NRG3: variants seen among roughly 807,000 people sequenced by gnomAD.
NRG3 encodes neuregulin 3.
In NRG3, 31 loss-of-function variants were observed where a neutral mutation model predicts 66.9. The observed-to-expected ratio is 0.46, with a 90% CI of 0.35 to 0.63. The LOEUF (loss-of-function observed/expected upper bound fraction) is 0.63, where lower values mean the gene tolerates loss of function less well. Among genes scored for constraint, NRG3 ranks in the 20% least tolerant of loss-of-function variants. The pLI, the probability that NRG3 is intolerant of heterozygous loss-of-function variation, is 0.00. For synonymous variants in NRG3, 393 were observed against 359.4 expected, an observed-to-expected ratio of 1.09 and a Z score of -1.06; for missense variants, 910 against 878.9, an observed-to-expected ratio of 1.04 and a Z score of -0.45.
intron 1 of NRG3, among the ~76,000 whole-genome samples, chr10:81,981,711 G>T (rs2133470338): frequency 6.6e-6 from 1 of 152,186 alleles, no homozygotes; most frequent in African/African-American, 2.4e-5. Context: ...ATAGCTTCTG[G>T]GGTCATTCTT....
At chr10:82,297,923 C>T (rs2080167701) in intron 1 of NRG3, among the ~76,000 whole-genome samples, 1 of 152,026 alleles carries the variant, frequency 6.6e-6, no homozygotes, top group African/African-American at 2.4e-5. Flanking sequence ...AGGCGAATTG[C>T]TTGAGCTCAG....
intron 1 of NRG3, among the ~76,000 whole-genome samples, chr10:82,305,371 C>A (rs2080665953): frequency 6.6e-6 from 1 of 152,076 alleles, no homozygotes. Context: ...TTGCAATTCA[C>A]TGGCTTATAT....
At chr10:82,094,218 T>C (rs2066202891) in intron 1 of NRG3, among the ~76,000 whole-genome samples, 1 of 152,220 alleles carries the variant, frequency 6.6e-6, no homozygotes, top group Admixed American at 6.5e-5. Flanking sequence ...TTATGAGATT[T>C]GTATGTTTGT....
rs183407020 is a variant in NRG3, at chr10:82,510,811, C to T, written c.953+151943C>T. On this transcript the variant is annotated intron_variant, in intron 2 of 8. Transcript: ENST00000372141. ...GGGCAAGGAAATCCAGGCAATGCAT[C>T]CCATTGAGATCGGCTCCTTGGGTAC... is the stretch of plus-strand genomic sequence containing the variant. Among the ~76,000 whole-genome samples the T allele has an allele frequency of 3.3e-5, 5 of 152,220 alleles. No individual in the cohort carries two copies. In the East Asian group the frequency reaches 9.7e-4, roughly 29 times the overall value.
chr10:82,504,155 A>G (rs1844456850), intron 2 of NRG3, among the ~76,000 whole-genome samples: 1 of 152,148 alleles, frequency 6.6e-6, no homozygotes, highest in African/African-American at 2.4e-5. Context: ...CACCTTGCAG[A>G]AGGGACGGGT....
intron 2 of NRG3, among the ~76,000 whole-genome samples, chr10:82,451,434 G>C (rs1240917363): frequency 6.6e-6 from 1 of 152,050 alleles, no homozygotes; most frequent in Non-Finnish European, 1.5e-5. Context: ...ATGATGAATA[G>C]GGAGAATTCA....
chr10:82,857,245 C>T lies in NRG3; in HGVS notation c.1028-8166C>T, dbSNP rs2063858766. 3.3e-5 allele frequency among the ~76,000 whole-genome samples: 5 copies of T among 152,278 alleles called. No individual in the cohort carries two copies. In the South Asian group the frequency reaches 1.0e-3, roughly 32 times the overall value. ...TCCATGGCTGCCTGCTTCTCCCCAT[C>T]CTTTGATACAAATCAACATTCTTGT... On this transcript the variant is annotated intron_variant, in intron 3 of 8. Coordinates refer to ENST00000372141, the MANE Select transcript of NRG3 (RefSeq NM_001010848.4).
At chr10:81,892,485 G>C (rs909361144) in intron 1 of NRG3, among the ~76,000 whole-genome samples, 3 of 152,030 alleles carry the variant, frequency 2.0e-5, no homozygotes, top group Non-Finnish European at 4.4e-5. Context: ...GTTACAAGAA[G>C]AACAGAGGGC....
chr10:82,133,386 T>C (rs1190634540), intron 1 of NRG3, among the ~76,000 whole-genome samples: 1 of 152,216 alleles, frequency 6.6e-6, no homozygotes, highest in Non-Finnish European at 1.5e-5. Flanking sequence ...CCAATAGTTA[T>C]ATTTTCTGTT....
At chr10:82,934,617 A>G (rs891861766) in intron 4 of NRG3, among the ~76,000 whole-genome samples, 7 of 152,306 alleles carry the variant, frequency 4.6e-5, no homozygotes, top group Non-Finnish European at 1.0e-4. Context: ...TGGTGTCACT[A>G]CAGAGTAGGA....
intron 2 of NRG3, among the ~76,000 whole-genome samples, chr10:82,379,856 T>TA (rs1375689964): frequency 9.0e-4 from 26 of 28,850 alleles, no homozygotes; most frequent in Middle Eastern, 0.022. Context: ...TTGTAGGGCA[T>TA]AAAAAAAAAG....
chr10:81,978,956 C>T lies in NRG3; in HGVS notation c.823+102793C>T, dbSNP rs373328462. 2.4e-4 allele frequency among the ~76,000 whole-genome samples: 36 copies of T among 152,046 alleles called. 2 individuals are homozygous for T. The highest frequency in any genetic ancestry group is 6.7e-4 in the African/African-American group (28 of 41,500). On this transcript the variant is annotated intron_variant, in intron 1 of 8. Coordinates refer to ENST00000372141, the MANE Select transcript of NRG3 (RefSeq NM_001010848.4). ...CTGTAATCCCAGCACTTTGGGAGGC[C>T]GAGGTGGGCGGATCACAAGGTCAAG...
At chr10:82,904,090 A>G (rs1305058071) in intron 4 of NRG3, among the ~76,000 whole-genome samples, 3 of 152,178 alleles carry the variant, frequency 2.0e-5, no homozygotes, top group Non-Finnish European at 4.4e-5. Context: ...AAGTTCAGAC[A>G]TGGTACAAGA....
At chr10:81,902,576 C>G (rs1482082839) in intron 1 of NRG3, among the ~76,000 whole-genome samples, 1 of 152,138 alleles carries the variant, frequency 6.6e-6, no homozygotes, top group Non-Finnish European at 1.5e-5. Context: ...ATGAAATAGA[C>G]CTGCCAGGGC....
intron 2 of NRG3, among the ~76,000 whole-genome samples, chr10:82,636,223 A>G (rs7475715): frequency 0.035 from 1,786 of 51,224 alleles, 11 homozygotes; most frequent in Middle Eastern, 0.076. Context: ...CTATCTACAT[A>G]TGTGTGTGTG....
chr10:82,262,666 T>C (rs1192350333), intron 1 of NRG3, among the ~76,000 whole-genome samples: 1 of 152,182 alleles, frequency 6.6e-6, no homozygotes, highest in Non-Finnish European at 1.5e-5. Context: ...ATGCTGTTTG[T>C]TTTTAATAAA....
Position 81,875,632 on chromosome 10 carries a change from G to T in NRG3, c.292G>T (p.Val98Leu), listed in dbSNP as rs753244922. ...WIVVGSVKEY[V>L]PTDLVDSKGM... ...CGTGGTGGGCTCCGTCAAGGAGTACGTGCCCACCGACCTAGTGGACTCCAA... is the reference window on the plus strand; with the variant it reads ...CGTGGTGGGCTCCGTCAAGGAGTACTTGCCCACCGACCTAGTGGACTCCAA... Residue 98 changes from valine to leucine, a missense_variant, in exon 1 of 9, where the codon GTG becomes TTG. Coordinates refer to ENST00000372141, the MANE Select transcript of NRG3 (RefSeq NM_001010848.4). This position sits in a 1 kb window ranked among gnomAD's most constrained non-coding sequence, Gnocchi z 5.3. The T allele has an allele frequency of 2.5e-6, 4 of 1,613,538 alleles. No homozygotes were observed. In the African/African-American group the frequency reaches 5.3e-5, roughly 22 times the overall value.
intron 1 of NRG3, among the ~76,000 whole-genome samples, chr10:82,356,160 C>T (rs1422552031): frequency 1.3e-5 from 2 of 151,980 alleles, no homozygotes; most frequent in African/African-American, 2.4e-5. Context: ...TAGAATGGGG[C>T]GGTAACCACT....
intron 1 of NRG3, among the ~76,000 whole-genome samples, chr10:81,994,474 C>T (rs1339075702): frequency 2.6e-5 from 4 of 151,990 alleles, no homozygotes; most frequent in Non-Finnish European, 4.4e-5. Flanking sequence ...TTCTTTTAAA[C>T]CTGACTTTCT....
Sources: allele counts gnomAD v4.1 joint callset (sites outside exome capture counted in the v4.1 genomes callset), GRCh38; gene constraint gnomAD v4.1.1; non-coding constraint Gnocchi (gnomAD v3.1); transcripts MANE v1.5; gene names NCBI Gene and HGNC (gene_info 2026-07-23, HGNC 2026-07-21).